TRPM3: variants seen among roughly 807,000 people sequenced by gnomAD.
The protein encoded by TRPM3 is transient receptor potential cation channel subfamily M member 3.
Under a neutral mutation model 181.2 loss-of-function variants are expected in TRPM3, and 77 were observed. The observed-to-expected ratio is 0.42, with a 90% CI of 0.35 to 0.51. TRPM3 has a LOEUF of 0.51. Among genes scored for constraint, TRPM3 ranks in the 20% least tolerant of loss-of-function variants. The probability of loss-of-function intolerance (pLI) is 0.01; values close to 1 mark genes in which losing one functional copy is unlikely to be tolerated. For missense variants in TRPM3, 1,759 were observed against 2,196.7 expected (o/e 0.80, Z 3.98); for synonymous variants, 745 against 796.4 (o/e 0.94, Z 1.09).
At chr9:70,904,458 G>T (rs996897763) in intron 1 of TRPM3, among the ~76,000 whole-genome samples, 5 of 152,114 alleles carry the variant, frequency 3.3e-5, no homozygotes, top group Non-Finnish European at 7.3e-5. Context: ...GTTTCCAAGA[G>T]CTCAGCAGGT....
At chr9:71,089,563 A>G (rs2065863285) in intron 1 of TRPM3, among the ~76,000 whole-genome samples, 1 of 151,360 alleles carries the variant, frequency 6.6e-6, no homozygotes, top group South Asian at 2.1e-4. Flanking sequence ...TAATATTTGG[A>G]CAATGATGTG....
At chr9:71,422,146 A>G (rs1251103256) in intron 1 of TRPM3, among the ~76,000 whole-genome samples, 1 of 151,874 alleles carries the variant, frequency 6.6e-6, no homozygotes, top group African/African-American at 2.4e-5. Context: ...CTCAGATGAG[A>G]ATTTAGAAGG....
intron 9 of TRPM3, among the ~76,000 whole-genome samples, chr9:70,646,110 C>T (rs569480128): frequency 1.3e-4 from 20 of 152,304 alleles, no homozygotes; most frequent in East Asian, 5.8e-4. Context: ...GAAATAGGAA[C>T]GCTTTTTCAC....
intron 1 of TRPM3, among the ~76,000 whole-genome samples, chr9:71,098,508 T>C (rs999880697): frequency 2.0e-5 from 3 of 152,134 alleles, no homozygotes; most frequent in Non-Finnish European, 4.4e-5. Context: ...TAGTAAGTAG[T>C]GAGTATATGC....
intron 1 of TRPM3, among the ~76,000 whole-genome samples, chr9:71,020,885 C>T (rs553537132): frequency 1.5e-4 from 23 of 151,906 alleles, no homozygotes; most frequent in Non-Finnish European, 3.2e-4. Context: ...TAGCATATGC[C>T]CAATGGGAAG....
intron 1 of TRPM3, among the ~76,000 whole-genome samples, chr9:71,269,883 CTT>C (rs1408656962): frequency 6.6e-6 from 1 of 152,156 alleles, no homozygotes; most frequent in African/African-American, 2.4e-5. Context: ...CCCTGGATCA[CTT>C]TTATTCTATT....
chr9:71,098,741 T>C (rs1234084096), intron 1 of TRPM3, among the ~76,000 whole-genome samples: 1 of 152,178 alleles, frequency 6.6e-6, no homozygotes, highest in Non-Finnish European at 1.5e-5. Flanking sequence ...CATAATTCTC[T>C]ATTTATAACC....
At chr9:70,983,132 C>G (rs1341954841) in intron 1 of TRPM3, among the ~76,000 whole-genome samples, 5 of 152,132 alleles carry the variant, frequency 3.3e-5, no homozygotes, top group South Asian at 2.1e-4. Flanking sequence ...CCACCGAACT[C>G]TCCACCACAT....
At chr9:70,949,212 T>A (rs58948065) in intron 1 of TRPM3, among the ~76,000 whole-genome samples, 8 of 126,760 alleles carry the variant, frequency 6.3e-5, no homozygotes, top group Non-Finnish European at 8.7e-5. Flanking sequence ...GTAGTCTTTT[T>A]TTTTTAATTT....
At chr9:70,576,369 G>C (rs988569126) in intron 22 of TRPM3, among the ~76,000 whole-genome samples, 3 of 152,138 alleles carry the variant, frequency 2.0e-5, no homozygotes, top group African/African-American at 7.2e-5. Flanking sequence ...TGCCAATCCT[G>C]TTCTTAAATC....
intron 5 of TRPM3, among the ~76,000 whole-genome samples, chr9:70,833,476 T>C (rs2131811116): frequency 6.6e-6 from 1 of 152,302 alleles, no homozygotes; most frequent in South Asian, 2.1e-4. Flanking sequence ...TATTGATCAC[T>C]TATTGCATGC....
At chr9:71,068,944 T>G (rs887103084) in intron 1 of TRPM3, among the ~76,000 whole-genome samples, 17 of 152,174 alleles carry the variant, frequency 1.1e-4, no homozygotes, top group Non-Finnish European at 2.5e-4. Context: ...ATAGAGATGA[T>G]CATGGAAGCA....
At chr9:71,222,790 G>C (rs1195573712) in intron 1 of TRPM3, among the ~76,000 whole-genome samples, 3 of 152,158 alleles carry the variant, frequency 2.0e-5, no homozygotes, top group African/African-American at 7.2e-5. Context: ...TTTTGCATTG[G>C]AACTCGGTGC....
chr9:70,688,150 G>C (rs1024464965), intron 8 of TRPM3, among the ~76,000 whole-genome samples: 4 of 151,842 alleles, frequency 2.6e-5, no homozygotes, highest in Admixed American at 6.6e-5. Flanking sequence ...TCTAGTCTCT[G>C]TGCAGCTGTT....
intron 1 of TRPM3, among the ~76,000 whole-genome samples, chr9:71,066,625 G>T (rs1264806274): frequency 6.6e-6 from 1 of 151,986 alleles, no homozygotes; most frequent in Non-Finnish European, 1.5e-5. Context: ...ATTTCATGTT[G>T]CTGTATAATT....
rs1167256036 is a variant in TRPM3 at position 71,252,834 on chromosome 9, G to A, written c.183+193819C>T. Among the ~76,000 whole-genome samples, 15 of 130,978 alleles carry A rather than the reference G, an allele frequency of 1.1e-4. No individual in the cohort carries two copies. In the East Asian group the frequency reaches 3.0e-3, roughly 26 times the overall value. 85.9% of individuals were successfully genotyped at this position (130,978 alleles called of 152,430 possible). A position where few individuals can be genotyped will look rare whatever the true frequency, so the allele number is the denominator to read the frequency against. On this transcript the variant is annotated intron_variant, in intron 1 of 24. Transcript: ENST00000357533. ...ACCACAGGCATGCACACCTCGCCTG[G>A]CTAATTTTGTCTCTTTTTTTTTTTT...
At chr9:70,755,890 T>C (rs2077001023) in intron 8 of TRPM3, among the ~76,000 whole-genome samples, 3 of 152,124 alleles carry the variant, frequency 2.0e-5, no homozygotes, top group Admixed American at 1.3e-4. Context: ...TAAAGACCTA[T>C]TGACACTATG....
At chr9:70,654,749 C>A (rs1433487953) in intron 9 of TRPM3, among the ~76,000 whole-genome samples, 1 of 149,914 alleles carries the variant, frequency 6.7e-6, no homozygotes, top group Non-Finnish European at 1.5e-5. Context: ...GTGGCGCGAT[C>A]TTGGCTCACT....
chr9:71,166,819 C>A, intron 1 of TRPM3, among the ~76,000 whole-genome samples: 1 of 152,092 alleles, frequency 6.6e-6, no homozygotes, highest in East Asian at 1.9e-4. Flanking sequence ...TCTTATCAAA[C>A]ATAAGTTATT....
Sources: gnomAD v4.1 joint callset for allele counts (sites outside exome capture counted in the v4.1 genomes callset) on GRCh38, gnomAD v4.1.1 for gene constraint, MANE v1.5 for transcripts, NCBI Gene and HGNC (gene_info 2026-07-23, HGNC 2026-07-21) for gene names.